The following RAI2 variants were observed in gnomAD, a reference collection of about 807,000 sequenced individuals.
RAI2 encodes the protein retinoic acid-induced protein 2.
Under a neutral mutation model 15.3 loss-of-function variants are expected in RAI2, and 5 were observed. That is an observed-to-expected ratio of 0.33 (90% confidence interval 0.17 to 0.69). The LOEUF is 0.69. RAI2 is among the 30% of genes least tolerant of loss of function. The pLI, the probability that RAI2 is intolerant of heterozygous loss-of-function variation, is 0.69. For synonymous variants in RAI2, 191 were observed against 184.0 expected (o/e 1.04, Z -0.31); for missense variants, 424 against 424.7 (o/e 1.00, Z 0.01).
At chrX:17,851,817 AC>A (rs1204535782) in intron 1 of RAI2, among the ~76,000 whole-genome samples, 1 of 112,335 alleles carries the variant, frequency 8.9e-6, no homozygotes, top group Admixed American at 9.4e-5. Flanking sequence ...AACAAAAAAA[AC>A]ACCCGATTTT....
intron 1 of RAI2, among the ~76,000 whole-genome samples, chrX:17,818,258 C>T (rs1489558603): frequency 8.9e-6 from 1 of 112,604 alleles, no homozygotes; most frequent in Non-Finnish European, 1.9e-5. Context: ...CTCTCTGGCT[C>T]CAGAGGTACA....
intron 1 of RAI2, among the ~76,000 whole-genome samples, chrX:17,847,801 G>A (rs1172180913): frequency 8.9e-6 from 1 of 112,187 alleles, no homozygotes; most frequent in East Asian, 2.8e-4. Flanking sequence ...CCACAGTGGA[G>A]TTAACAGCGG....
At chrX:17,857,200 T>C (rs2067620393) in intron 1 of RAI2, among the ~76,000 whole-genome samples, 1 of 111,713 alleles carries the variant, frequency 9.0e-6, no homozygotes, top group Admixed American at 9.5e-5. Flanking sequence ...CTTTTGTGTG[T>C]GGGAAGAGTG....
intron 1 of RAI2, among the ~76,000 whole-genome samples, chrX:17,806,654 G>T (rs894901801): frequency 1.6e-4 from 18 of 111,647 alleles, no homozygotes; most frequent in African/African-American, 5.5e-4. Context: ...GACTAGCTCT[G>T]CTTGCAGACT....
intron 1 of RAI2, among the ~76,000 whole-genome samples, chrX:17,840,873 T>C (rs1282757634): frequency 3.6e-5 from 4 of 111,802 alleles, no homozygotes; most frequent in Non-Finnish European, 7.5e-5. Context: ...TGGCCACACA[T>C]ACAACTGCAA....
chrX:17,845,135 G>A (rs2067441003), intron 1 of RAI2, among the ~76,000 whole-genome samples: 1 of 112,058 alleles, frequency 8.9e-6, no homozygotes, highest in Non-Finnish European at 1.9e-5. Context: ...GGTACAGAGT[G>A]CCACAAATGA....
chrX:17,827,085 G>A (rs1182652703), intron 1 of RAI2, among the ~76,000 whole-genome samples: 3 of 112,773 alleles, frequency 2.7e-5, no homozygotes, highest in South Asian at 3.6e-4. Context: ...TTTGACTTAT[G>A]ATGAGTAAGA....
chrX:17,807,235 C>T (rs1043397725), intron 1 of RAI2, among the ~76,000 whole-genome samples: 1 of 111,382 alleles, frequency 9.0e-6, no homozygotes, highest in Non-Finnish European at 1.9e-5. Flanking sequence ...CATCCCCCAC[C>T]CTCACTGGGC....
intron 1 of RAI2, among the ~76,000 whole-genome samples, chrX:17,829,781 A>T (rs1453919525): frequency 8.9e-6 from 1 of 112,797 alleles, no homozygotes; most frequent in Non-Finnish European, 1.9e-5. Flanking sequence ...CCCTTTGCTC[A>T]TCCAACTTTA....
At chrX:17,849,018 C>T (rs766867509) in intron 1 of RAI2, among the ~76,000 whole-genome samples, 40 of 112,453 alleles carry the variant, frequency 3.6e-4, no homozygotes, top group African/African-American at 1.2e-3. Flanking sequence ...GGGATGACGA[C>T]GAGAGGGTAA....
intron 1 of RAI2, among the ~76,000 whole-genome samples, chrX:17,829,040 A>G (rs763459379): frequency 4.5e-5 from 5 of 111,187 alleles, no homozygotes; most frequent in Non-Finnish European, 7.5e-5. Flanking sequence ...CGAGGGATCC[A>G]AAAGCTATTT....
intron 1 of RAI2, among the ~76,000 whole-genome samples, chrX:17,821,814 C>T (rs2067168149): frequency 9.0e-6 from 1 of 111,316 alleles, no homozygotes; most frequent in African/African-American, 3.3e-5. Context: ...AGGCTCTGTG[C>T]ACCTTTGTGT....
intron 1 of RAI2, among the ~76,000 whole-genome samples, chrX:17,825,680 T>C (rs1401245945): frequency 8.9e-6 from 1 of 112,518 alleles, no homozygotes; most frequent in African/African-American, 3.2e-5. Flanking sequence ...ATGTCTTAGA[T>C]ACCAAGGATG....
intron 1 of RAI2, among the ~76,000 whole-genome samples, chrX:17,806,821 T>C (rs1296555092): frequency 2.7e-5 from 3 of 110,119 alleles, no homozygotes; most frequent in Non-Finnish European, 5.7e-5. Context: ...TGGCAGAAGG[T>C]GAAGGGGAAG....
chrX:17,810,031 C>A (rs1475431384), intron 1 of RAI2, among the ~76,000 whole-genome samples: 2 of 111,746 alleles, frequency 1.8e-5, no homozygotes, highest in Non-Finnish European at 3.8e-5. Flanking sequence ...CTCGACTTCC[C>A]AAAGTGCTGG....
At chrX:17,843,502 C>T (rs2067422839) in intron 1 of RAI2, among the ~76,000 whole-genome samples, 2 of 112,198 alleles carry the variant, frequency 1.8e-5, no homozygotes, top group Admixed American at 9.4e-5. Flanking sequence ...TGTCTTGATA[C>T]AGTGGATTCA....
intron 1 of RAI2, chrX:17,860,389 A>C (rs1217293864): frequency 8.9e-6 from 1 of 112,916 alleles, no homozygotes; most frequent in Non-Finnish European, 1.9e-5. Flanking sequence ...AAACGCACGC[A>C]AAAATGCAGC....
intron 1 of RAI2, among the ~76,000 whole-genome samples, chrX:17,848,292 G>GAA (rs375071115): frequency 0.04 from 2,359 of 58,760 alleles, 116 homozygotes; most frequent in African/African-American, 0.13. Context: ...AACAAAAAAT[G>GAA]AAAAAAAAAA....
Position 17,845,750 on chromosome X carries a change from CA to C in RAI2, c.-25+15347del, listed in dbSNP as rs542304329. ...AAAATCTGAATGGTCTACTGCTACA[CA>C]AGAGTCTGCATCTTGCTGCTCCTAG... On this transcript the variant is annotated intron_variant, in intron 1 of 1. Coordinates refer to ENST00000451717, the MANE Select transcript of RAI2 (RefSeq NM_021785.6). 3.8e-4 allele frequency among the ~76,000 whole-genome samples: 43 copies of C among 112,483 alleles called. No homozygotes were observed. In the South Asian group the frequency reaches 0.016, roughly 41 times the overall value.
Sources: allele counts gnomAD v4.1 joint callset (sites outside exome capture counted in the v4.1 genomes callset), GRCh38; gene constraint gnomAD v4.1.1; transcripts MANE v1.5; gene names NCBI Gene and HGNC (gene_info 2026-07-23, HGNC 2026-07-21).